The following IGF1 variants were observed in gnomAD, a reference collection of about 807,000 sequenced individuals.
The protein encoded by IGF1 is insulin like growth factor 1, also known as insulin-like growth factor 1.
In IGF1, 4 loss-of-function variants were observed where a neutral mutation model predicts 13.8. The observed-to-expected ratio is 0.29, with a 90% CI of 0.14 to 0.66. The LOEUF (loss-of-function observed/expected upper bound fraction) is 0.66, where lower values mean the gene tolerates loss of function less well. Among genes scored for constraint, IGF1 ranks in the 30% least tolerant of loss-of-function variants. The pLI, the probability that IGF1 is intolerant of heterozygous loss-of-function variation, is 0.78. For missense variants in IGF1, 124 were observed against 188.5 expected, an observed-to-expected ratio of 0.66 and a Z score of 2.00; for synonymous variants, 76 against 72.6, an observed-to-expected ratio of 1.05 and a Z score of -0.23.
At chr12:102,456,223 TGTGTG>T (rs1475323943) in intron 2 of IGF1, among the ~76,000 whole-genome samples, 1 of 16,522 alleles carries the variant, frequency 6.1e-5, no homozygotes, top group Non-Finnish European at 1.3e-4. Context: ...TTAAAAAAGG[TGTGTG>T]TGTGTGTGTG....
intron 2 of IGF1, among the ~76,000 whole-genome samples, chr12:102,448,990 C>T (rs1334666884): frequency 3.3e-5 from 5 of 152,088 alleles, no homozygotes; most frequent in East Asian, 1.9e-4. Context: ...GACGGTGTGG[C>T]GATTTCTCAA....
chr12:102,469,544 T>C (rs1880560738), intron 2 of IGF1, among the ~76,000 whole-genome samples: 1 of 152,184 alleles, frequency 6.6e-6, no homozygotes, highest in African/African-American at 2.4e-5. Flanking sequence ...GGAAGTTTTC[T>C]TAGAATTTCC....
At chr12:102,411,763 T>G (rs1874665504) in intron 3 of IGF1, among the ~76,000 whole-genome samples, 1 of 152,192 alleles carries the variant, frequency 6.6e-6, no homozygotes. Context: ...GGAGTGATCA[T>G]AACAGATGCC....
chr12:102,455,380 T>A (rs1592808929), intron 2 of IGF1, among the ~76,000 whole-genome samples: 3 of 152,354 alleles, frequency 2.0e-5, no homozygotes, highest in Admixed American at 2.0e-4. Context: ...GTTCTAAGAA[T>A]GTTATATCTT....
chr12:102,404,853 G>A (rs1874003430), intron 3 of IGF1, among the ~76,000 whole-genome samples: 2 of 150,884 alleles, frequency 1.3e-5, no homozygotes, highest in African/African-American at 2.4e-5. Context: ...TGCCTCCCGG[G>A]TTCAAGTGAT....
Position 102,397,461 on chromosome 12 carries a change from A to G in IGF1, c.*5046T>C, listed in dbSNP as rs1399573284. On this transcript the variant is annotated 3_prime_UTR_variant, in exon 4 of 4. Transcript: ENST00000337514. ...ATTGGTTATTTAAATTGATATCTTT[A>G]TCCTGTACCATATGCACTTAAAGCT... The G allele has an allele frequency of 6.6e-6, 1 of 152,188 alleles. No homozygotes were observed. Among genetic ancestry groups the G allele is most frequent in the Non-Finnish European group, 1.5e-5 (1 of 68,030 alleles). The allele number at this position is 152,188 out of a possible 1,614,324, so 9.4% of individuals were successfully genotyped here. A position where few individuals can be genotyped will look rare whatever the true frequency, so the allele number is the denominator to read the frequency against.
At chr12:102,425,261 G>A (rs1472399815) in intron 2 of IGF1, among the ~76,000 whole-genome samples, 1 of 152,142 alleles carries the variant, frequency 6.6e-6, no homozygotes, top group Non-Finnish European at 1.5e-5. Flanking sequence ...CTGAGAAAAT[G>A]TTCTCTTTTC....
chr12:102,458,737 A>AAAAAAAAAAAAC (rs1565998096), intron 2 of IGF1, among the ~76,000 whole-genome samples: 1 of 147,088 alleles, frequency 6.8e-6, no homozygotes, highest in African/African-American at 2.7e-5. Context: ...GACCAAAAAA[A>AAAAAAAAAAAAC]AAAAAAAAAA....
intron 3 of IGF1, among the ~76,000 whole-genome samples, chr12:102,411,805 C>G (rs932918596): frequency 1.4e-4 from 21 of 152,174 alleles, no homozygotes; most frequent in African/African-American, 5.1e-4. Context: ...CTTTATCTGA[C>G]CCAATGGGCA....
At chr12:102,453,244 C>A (rs1879115988) in intron 2 of IGF1, among the ~76,000 whole-genome samples, 1 of 152,124 alleles carries the variant, frequency 6.6e-6, no homozygotes, top group African/African-American at 2.4e-5. Flanking sequence ...TTGTGCTTTT[C>A]CAAAGTGTTT....
At chr12:102,441,186 C>T (rs2137091520) in intron 2 of IGF1, among the ~76,000 whole-genome samples, 1 of 152,278 alleles carries the variant, frequency 6.6e-6, no homozygotes, top group East Asian at 1.9e-4. Flanking sequence ...CAATCTTTGC[C>T]ATTGACCAAA....
chr12:102,417,566 T>G, intron 3 of IGF1: 1 of 1,209,646 alleles, frequency 8.3e-7, no homozygotes, highest in Non-Finnish European at 1.0e-6. Context: ...TCTTTTATAA[T>G]TTTTATTTTT....
intron 3 of IGF1, among the ~76,000 whole-genome samples, chr12:102,406,006 G>T (rs1407052349): frequency 6.6e-6 from 1 of 152,194 alleles, no homozygotes; most frequent in East Asian, 1.9e-4. Context: ...TTTCTTCTGG[G>T]TCTGTCTCAG....
At chr12:102,439,738 A>G (rs1877547592) in intron 2 of IGF1, among the ~76,000 whole-genome samples, 1 of 149,388 alleles carries the variant, frequency 6.7e-6, no homozygotes, top group South Asian at 2.1e-4. Context: ...AAAAAAGATT[A>G]ACTGGGTGGA....
chr12:102,418,360 C>T (rs1466322963), intron 3 of IGF1, among the ~76,000 whole-genome samples: 2 of 152,228 alleles, frequency 1.3e-5, no homozygotes, highest in Non-Finnish European at 2.9e-5. Context: ...TGGGTCTTGC[C>T]CAGTCCCCTT....
At chr12:102,476,093 A>C (rs567495040) in intron 1 of IGF1, among the ~76,000 whole-genome samples, 69 of 152,198 alleles carry the variant, frequency 4.5e-4, no homozygotes, top group South Asian at 1.5e-3. Flanking sequence ...ATATCTAGAA[A>C]CGTTTACTAC....
chr12:102,462,355 C>A (rs1204243492), intron 2 of IGF1, among the ~76,000 whole-genome samples: 1 of 152,074 alleles, frequency 6.6e-6, no homozygotes, highest in Non-Finnish European at 1.5e-5. Flanking sequence ...AGATCAAAAT[C>A]ATTTATATTC....
intron 3 of IGF1, among the ~76,000 whole-genome samples, chr12:102,414,625 T>C (rs536567391): frequency 6.6e-6 from 1 of 152,236 alleles, no homozygotes; most frequent in African/African-American, 2.4e-5. Flanking sequence ...GGTTTCGCTA[T>C]GTTGCCCAGG....
chr12:102,423,857 C>T (rs903095376), intron 2 of IGF1, among the ~76,000 whole-genome samples: 2 of 152,122 alleles, frequency 1.3e-5, no homozygotes, highest in African/African-American at 2.4e-5. Flanking sequence ...GAGATTTAAC[C>T]GGGGTCATCA....
Sources: gnomAD v4.1 joint callset for allele counts (sites outside exome capture counted in the v4.1 genomes callset) on GRCh38, gnomAD v4.1.1 for gene constraint, MANE v1.5 for transcripts, NCBI Gene and HGNC (gene_info 2026-07-23, HGNC 2026-07-21) for gene names.